Variants in RAD54B observed in about 807,000 individuals in gnomAD.
The protein encoded by RAD54B is RAD54 homolog B, also known as DNA repair and recombination protein RAD54B.
In RAD54B, 78 loss-of-function variants were observed where a neutral mutation model predicts 95.8. That is an observed-to-expected ratio of 0.81 (90% CI 0.68 to 0.98). The LOEUF (loss-of-function observed/expected upper bound fraction) is 0.98, where lower values mean the gene tolerates loss of function less well. Among genes scored for constraint, RAD54B ranks in the 50% least tolerant of loss-of-function variants. RAD54B has a pLI of 0.00. For synonymous variants in RAD54B, 328 were observed against 354.9 expected, an observed-to-expected ratio of 0.92 and a Z score of 0.85; for missense variants, 957 against 1,056.6, an observed-to-expected ratio of 0.91 and a Z score of 1.31.
At chr8:94,432,710 A>AT in intron 3 of RAD54B, 1 of 1,404,192 alleles carries the variant, frequency 7.1e-7, no homozygotes, top group Non-Finnish European at 9.3e-7. Flanking sequence ...GAAAAAGTGT[A>AT]TATTTATAGC....
At chr8:94,439,266 A>C (rs1415680612) in intron 3 of RAD54B, among the ~76,000 whole-genome samples, 1 of 152,196 alleles carries the variant, frequency 6.6e-6, no homozygotes, top group Non-Finnish European at 1.5e-5. Context: ...TATGTCTCAG[A>C]ATATACCTTA....
chr8:94,472,524 C>T (rs1305686876), intron 1 of RAD54B, among the ~76,000 whole-genome samples: 1 of 152,164 alleles, frequency 6.6e-6, no homozygotes, highest in East Asian at 1.9e-4. Context: ...TTCTAGATAG[C>T]ATTAATAAAA....
rs116983486 is a variant in RAD54B at position 94,459,554 on chromosome 8, T to C, written c.136-1118A>G. 4.4e-3 allele frequency among the ~76,000 whole-genome samples: 669 copies of C among 151,590 alleles called. 4 individuals are homozygous for C. Among genetic ancestry groups the C allele is most frequent in the Non-Finnish European group, 7.4e-3 (499 of 67,880 alleles). On this transcript the variant is annotated intron_variant, in intron 2 of 14. Transcript: ENST00000336148. The stretch of plus-strand genomic sequence containing the variant: ...AAGAAGGGAGGGACTTGAGCTGGAG[T>C]GGAAAACTAAAGATGAAACAAGAGG...
rs1488113202 is a variant in RAD54B at position 94,372,002 on chromosome 8, A to C, written c.*168T>G. 1 of 1,153,858 alleles carries C rather than the reference A, an allele frequency of 8.7e-7. No individual in the cohort carries two copies. The highest frequency in any genetic ancestry group is 1.6e-5 in the African/African-American group (1 of 63,140). 71.5% of individuals were successfully genotyped at this position (1,153,858 alleles called of 1,614,324 possible). A position where few individuals can be genotyped will look rare whatever the true frequency, so the allele number is the denominator to read the frequency against. On this transcript the variant is annotated 3_prime_UTR_variant, in exon 15 of 15. Transcript: ENST00000336148. ...ATCTTTATTTTTCATTTAAACACTT[A>C]ATATTTACAAAACATTAAACCACTC... is the stretch of plus-strand genomic sequence containing the variant.
intron 11 of RAD54B, among the ~76,000 whole-genome samples, chr8:94,381,743 G>GA (rs1297943352): frequency 1.3e-5 from 2 of 151,638 alleles, no homozygotes; most frequent in Non-Finnish European, 2.9e-5. Flanking sequence ...CAATAGGAGA[G>GA]AAAAAAAAGA....
intron 3 of RAD54B, among the ~76,000 whole-genome samples, chr8:94,434,017 G>A (rs1352863972): frequency 6.6e-6 from 1 of 151,452 alleles, no homozygotes; most frequent in South Asian, 2.1e-4. Flanking sequence ...TCTATTTGTA[G>A]GTTATATAAA....
chr8:94,466,006 T>C (rs933544949), intron 2 of RAD54B, among the ~76,000 whole-genome samples: 1 of 151,980 alleles, frequency 6.6e-6, no homozygotes, highest in African/African-American at 2.4e-5. Flanking sequence ...AGGAGCTGAG[T>C]GGAGAGAATG....
At chr8:94,441,930 T>G (rs28897138) in intron 3 of RAD54B, among the ~76,000 whole-genome samples, 2,994 of 152,350 alleles carry the variant, frequency 0.02, 36 homozygotes, top group Non-Finnish European at 0.028. Context: ...TTAACTTCAG[T>G]TGGAGATTTT....
chr8:94,422,241 A>G (rs1811821540), intron 3 of RAD54B, among the ~76,000 whole-genome samples: 1 of 152,096 alleles, frequency 6.6e-6, no homozygotes, highest in Admixed American at 6.5e-5. Flanking sequence ...AAAAACTGCT[A>G]TTTTGACTCT....
At position 94,407,459 on chromosome 8, in the gene RAD54B, C is replaced by T. The variant is rs766325819; in HGVS notation, c.761G>A (p.Arg254His). The T allele has an allele frequency of 1.1e-5, 18 of 1,613,176 alleles. No individual in the cohort carries two copies. The East Asian group carries it at 1.6e-4, about 14-fold the overall frequency. The change falls in exon 5 of 15, where the codon CGC becomes CAC. Residue 254 changes from arginine to histidine, a missense_variant. Arg to His is a conservative substitution (Grantham distance 29, BLOSUM62 0). Transcript: ENST00000336148. Reference protein sequence around the residue: ...RQNDFQNCKPRHDPYTPNSLV... With the variant: ...RQNDFQNCKPHHDPYTPNSLV... ...CTTACTTGGCGTATATGGGTCATGG[C>T]GTGGTTTGCAATTTTGGAAATCATT...
Position 94,430,264 on chromosome 8 carries a change from T to A in RAD54B, c.305-18949A>T, listed in dbSNP as rs568227440. ...AAACGGAGATTGCAGTGAGCCAACA[T>A]CGCACCACTGCACTCCAACCTAGGT... On this transcript the variant is annotated intron_variant, in intron 3 of 14. Transcript: ENST00000336148. 4.6e-6 allele frequency: 4 copies of A among 860,542 alleles called. No individual in the cohort carries two copies. In the East Asian group the frequency reaches 3.7e-4, roughly 80 times the overall value. 53.3% of individuals were successfully genotyped at this position (860,542 alleles called of 1,614,324 possible).
At chr8:94,450,075 T>C (rs765935722) in intron 3 of RAD54B, among the ~76,000 whole-genome samples, 3 of 152,126 alleles carry the variant, frequency 2.0e-5, no homozygotes, top group Non-Finnish European at 2.9e-5. Context: ...CAAATCTTCA[T>C]AAAAGAGCCC....
At chr8:94,377,638 T>C (rs972812002) in intron 14 of RAD54B, among the ~76,000 whole-genome samples, 4 of 150,222 alleles carry the variant, frequency 2.7e-5, no homozygotes, top group East Asian at 2.0e-4. Flanking sequence ...ATAAGTTCAA[T>C]TTTTCACAAG....
intron 14 of RAD54B, among the ~76,000 whole-genome samples, chr8:94,375,462 C>G (rs1586114120): frequency 6.6e-6 from 1 of 152,266 alleles, no homozygotes; most frequent in African/African-American, 2.4e-5. Context: ...TCTCTTTTTG[C>G]CTGCCACCAT....
At chr8:94,377,159 T>C (rs963346015) in intron 14 of RAD54B, among the ~76,000 whole-genome samples, 1 of 152,158 alleles carries the variant, frequency 6.6e-6, no homozygotes, top group African/African-American at 2.4e-5. Flanking sequence ...TATGACCCCA[T>C]TATGAATAAA....
chr8:94,407,179 A>G (rs1381087993), intron 5 of RAD54B, among the ~76,000 whole-genome samples: 1 of 152,306 alleles, frequency 6.6e-6, no homozygotes, highest in East Asian at 1.9e-4. Context: ...GTATACACAT[A>G]CAATTTAGAT....
intron 5 of RAD54B, among the ~76,000 whole-genome samples, chr8:94,406,147 T>C (rs1270631042): frequency 6.6e-6 from 1 of 152,052 alleles, no homozygotes; most frequent in Admixed American, 6.6e-5. Flanking sequence ...GGAAAGAGTA[T>C]ATACTAGACA....
At chr8:94,436,923 C>G (rs1217585942) in intron 3 of RAD54B, 2 of 1,460,192 alleles carry the variant, frequency 1.4e-6, no homozygotes, top group Non-Finnish European at 1.8e-6. Context: ...GCCTTCAGCT[C>G]TGCTCAGCTC....
chr8:94,431,113 T>C, intron 3 of RAD54B: 1 of 963,638 alleles, frequency 1.0e-6, no homozygotes, highest in Non-Finnish European at 1.2e-6. Flanking sequence ...AACATACATA[T>C]TAGAGATTTA....
Sources: gnomAD v4.1 joint callset for allele counts (sites outside exome capture counted in the v4.1 genomes callset) on GRCh38, gnomAD v4.1.1 for gene constraint, MANE v1.5 for transcripts, NCBI Gene and HGNC (gene_info 2026-07-23, HGNC 2026-07-21) for gene names.